Variants in NXPH2 observed in about 807,000 individuals in gnomAD.
NXPH2 encodes the protein neurexophilin 2.
Under a neutral mutation model 19.8 loss-of-function variants are expected in NXPH2, and 5 were observed. That is an observed-to-expected ratio of 0.25 (90% CI 0.13 to 0.53). The LOEUF is 0.53. NXPH2 is among the 20% of genes least tolerant of loss of function. NXPH2 has a pLI of 0.96. For synonymous variants in NXPH2, 154 were observed against 127.4 expected (o/e 1.21, Z -1.41); for missense variants, 289 against 322.8 (o/e 0.90, Z 0.80).
chr2:138,745,615 G>A (rs1351425018), intron 1 of NXPH2, among the ~76,000 whole-genome samples: 1 of 151,666 alleles, frequency 6.6e-6, no homozygotes, highest in Non-Finnish European at 1.5e-5. Context: ...GCATCAATAA[G>A]AGAATCAATA....
At position 138,780,300 on chromosome 2, in the gene NXPH2, T is replaced by C. The variant is rs1409203047; in HGVS notation, c.-59A>G. ...CGCCCTCGCCTGCCTCTCGCGCATC[T>C]CCACTTCGCGGGGCAGGACTGAGGA... On this transcript the variant is annotated 5_prime_UTR_variant, in exon 1 of 2. Coordinates refer to ENST00000272641, the MANE Select transcript of NXPH2 (RefSeq NM_007226.3). 3.6e-5 allele frequency: 49 copies of C among 1,353,312 alleles called. No homozygotes were observed. The highest frequency in any genetic ancestry group is 2.3e-4 in the Middle Eastern group (1 of 4,310). The allele number at this position is 1,353,312 out of a possible 1,614,324, so 83.8% of individuals were successfully genotyped here.
intron 1 of NXPH2, among the ~76,000 whole-genome samples, chr2:138,772,135 C>A (rs1339614575): frequency 6.6e-6 from 1 of 152,048 alleles, no homozygotes; most frequent in East Asian, 1.9e-4. Context: ...TCCTTTTTAT[C>A]TTTTCCATCT....
intron 1 of NXPH2, among the ~76,000 whole-genome samples, chr2:138,742,080 G>C (rs1450265419): frequency 6.6e-6 from 1 of 152,102 alleles, no homozygotes; most frequent in Non-Finnish European, 1.5e-5. Context: ...ACAAAATTTG[G>C]ACCAGATTGA....
At chr2:138,680,817 C>T (rs566946837) in intron 1 of NXPH2, among the ~76,000 whole-genome samples, 4 of 152,140 alleles carry the variant, frequency 2.6e-5, no homozygotes, top group Non-Finnish European at 5.9e-5. Flanking sequence ...ATTTATACTC[C>T]TTTGTATCTG....
chr2:138,710,290 GTT>G lies in NXPH2; in HGVS notation c.52-38627_52-38626del, dbSNP rs1260255512. On this transcript the variant is annotated intron_variant, in intron 1 of 1. Coordinates refer to ENST00000272641, the MANE Select transcript of NXPH2 (RefSeq NM_007226.3). The stretch of plus-strand genomic sequence containing the variant: ...ACATTTAATTGTATGTATGTACCAC[GTT>G]TTGTTTATTCATCACCTCTTGATGA... Among the ~76,000 whole-genome samples, 4 of 152,192 alleles carry G rather than the reference GTT, an allele frequency of 2.6e-5. No individual in the cohort carries two copies. In the East Asian group the frequency reaches 7.7e-4, roughly 29 times the overall value.
At chr2:138,747,932 C>G (rs961097779) in intron 1 of NXPH2, among the ~76,000 whole-genome samples, 1 of 152,206 alleles carries the variant, frequency 6.6e-6, no homozygotes, top group Non-Finnish European at 1.5e-5. Flanking sequence ...TCCCTAGAGG[C>G]TCTCACCTTC....
intron 1 of NXPH2, among the ~76,000 whole-genome samples, chr2:138,746,067 C>T (rs1001214872): frequency 2.6e-5 from 4 of 152,104 alleles, no homozygotes; most frequent in South Asian, 4.2e-4. Context: ...CAGGGGAATT[C>T]GTCGTCCTGT....
Position 138,780,309 on chromosome 2 carries a change from C to CG in NXPH2, c.-69dup. 8.4e-7 allele frequency: 1 copy of CG among 1,193,486 alleles called. No homozygotes were observed. The highest frequency in any genetic ancestry group is 1.1e-6 in the Non-Finnish European group (1 of 933,208). 73.9% of individuals were successfully genotyped at this position (1,193,486 alleles called of 1,614,324 possible). On this transcript the variant is annotated 5_prime_UTR_variant, in exon 1 of 2. Transcript: ENST00000272641. ...CTGCCTCTCGCGCATCTCCACTTCG[C>CG]GGGGCAGGACTGAGGACGCCAGGGA...
intron 1 of NXPH2, among the ~76,000 whole-genome samples, chr2:138,695,664 TA>T (rs1680818993): frequency 6.6e-6 from 1 of 152,030 alleles, no homozygotes; most frequent in Non-Finnish European, 1.5e-5. Context: ...AATAAACTGA[TA>T]AACTATTTGA....
intron 1 of NXPH2, among the ~76,000 whole-genome samples, chr2:138,763,243 A>G (rs1178874463): frequency 6.6e-6 from 1 of 152,188 alleles, no homozygotes; most frequent in Non-Finnish European, 1.5e-5. Context: ...GGAAAGCACT[A>G]AAATAACAGA....
intron 1 of NXPH2, among the ~76,000 whole-genome samples, chr2:138,712,122 C>T (rs1441628061): frequency 6.6e-6 from 1 of 152,188 alleles, no homozygotes; most frequent in Non-Finnish European, 1.5e-5. Flanking sequence ...AATAAATACA[C>T]ATCACATCAG....
intron 1 of NXPH2, among the ~76,000 whole-genome samples, chr2:138,694,016 A>G (rs1357646622): frequency 2.0e-5 from 3 of 152,184 alleles, no homozygotes; most frequent in African/African-American, 7.2e-5. Flanking sequence ...TTAAAGAAAA[A>G]TGAAACTTAA....
intron 1 of NXPH2, among the ~76,000 whole-genome samples, chr2:138,705,495 C>T (rs988057366): frequency 1.3e-5 from 2 of 152,122 alleles, no homozygotes; most frequent in Non-Finnish European, 2.9e-5. Flanking sequence ...TGTCTAATCC[C>T]TCTTAGTAGA....
intron 1 of NXPH2, among the ~76,000 whole-genome samples, chr2:138,731,086 T>G (rs534479527): frequency 6.6e-6 from 1 of 152,184 alleles, no homozygotes; most frequent in Admixed American, 6.5e-5. Flanking sequence ...AGAGCTTCCC[T>G]AAATATTTAT....
At chr2:138,757,140 G>C (rs1483557492) in intron 1 of NXPH2, among the ~76,000 whole-genome samples, 1 of 152,138 alleles carries the variant, frequency 6.6e-6, no homozygotes, top group African/African-American at 2.4e-5. Flanking sequence ...ATTAATTTAA[G>C]CATACTATAA....
At chr2:138,688,912 T>C (rs1308066029) in intron 1 of NXPH2, among the ~76,000 whole-genome samples, 1 of 152,234 alleles carries the variant, frequency 6.6e-6, no homozygotes, top group Non-Finnish European at 1.5e-5. Flanking sequence ...GCTGAACTCC[T>C]TAAACATAGG....
intron 1 of NXPH2, among the ~76,000 whole-genome samples, chr2:138,728,154 C>A (rs1446237464): frequency 2.8e-5 from 1 of 35,418 alleles, no homozygotes; most frequent in Admixed American, 3.9e-4. Context: ...CACCAGAGTG[C>A]GCTCTCTCTC....
chr2:138,740,110 A>T (rs1558926517), intron 1 of NXPH2, among the ~76,000 whole-genome samples: 1 of 152,180 alleles, frequency 6.6e-6, no homozygotes, highest in Non-Finnish European at 1.5e-5. Flanking sequence ...GCTGGGGTCA[A>T]GATCACACTG....
At chr2:138,767,117 T>A (rs1420228111) in intron 1 of NXPH2, among the ~76,000 whole-genome samples, 10 of 152,238 alleles carry the variant, frequency 6.6e-5, no homozygotes, top group Admixed American at 6.5e-4. Context: ...TATATTATAC[T>A]CTGTTCTTAA....
Sources: allele counts gnomAD v4.1 joint callset (sites outside exome capture counted in the v4.1 genomes callset), GRCh38; gene constraint gnomAD v4.1.1; transcripts MANE v1.5; gene names NCBI Gene and HGNC (gene_info 2026-07-23, HGNC 2026-07-21).